The following ATPSCKMT variants were observed in gnomAD, a reference collection of about 807,000 sequenced individuals.
The protein encoded by ATPSCKMT is ATP synthase c subunit lysine N-methyltransferase.
Under a neutral mutation model 24.3 loss-of-function variants are expected in ATPSCKMT, and 24 were observed. The ratio of observed to expected loss-of-function variants is 0.99; its 90% CI spans 0.71 to 1.39. The LOEUF is 1.39. Among genes scored for constraint, ATPSCKMT ranks in the 40% most tolerant of loss-of-function variants. ATPSCKMT has a pLI of 0.00. For missense variants in ATPSCKMT, 311 were observed against 298.4 expected, an observed-to-expected ratio of 1.04 and a Z score of -0.31; for synonymous variants, 95 against 110.5, an observed-to-expected ratio of 0.86 and a Z score of 0.88.
In ATPSCKMT at chr5:10,225,718, C is replaced by T. The variant is rs565106480; in HGVS notation, c.*1723G>A. 1.5e-3 allele frequency among the ~76,000 whole-genome samples: 232 copies of T among 152,236 alleles called. 1 individual carries two copies. The highest frequency in any genetic ancestry group is 5.3e-3 in the African/African-American group (220 of 41,528). ...CTCCCACCAGGTCCTTCCCACAACACGTGGGAATTCAAGATGAGATTTGGG... is the reference window on the plus strand; with the variant it reads ...CTCCCACCAGGTCCTTCCCACAACATGTGGGAATTCAAGATGAGATTTGGG... On this transcript the variant is annotated 3_prime_UTR_variant, in exon 5 of 5. Transcript: ENST00000511437.
At chr5:10,239,561 T>C (rs1193317158) in intron 1 of ATPSCKMT, among the ~76,000 whole-genome samples, 2 of 152,230 alleles carry the variant, frequency 1.3e-5, no homozygotes, top group South Asian at 2.1e-4. Context: ...TTCAATACTA[T>C]GAGAAGACTA....
Position 10,227,353 on chromosome 5 carries a change from A to G in ATPSCKMT, c.*88T>C. 7.2e-7 allele frequency: 1 copy of G among 1,383,272 alleles called. No homozygotes were observed. Among genetic ancestry groups the G allele is most frequent in the Non-Finnish European group, 1.0e-6 (1 of 992,696 alleles). The allele number at this position is 1,383,272 out of a possible 1,614,324, so 85.7% of individuals were successfully genotyped here. Reference sequence around the variant, plus strand: ...AATTTCTCATTCCAAACCAAAGACAATTATGCTCCTTTGCTAAGGACACAG... The same window carrying G: ...AATTTCTCATTCCAAACCAAAGACAGTTATGCTCCTTTGCTAAGGACACAG... On this transcript the variant is annotated 3_prime_UTR_variant, in exon 5 of 5. Coordinates refer to ENST00000511437, the MANE Select transcript of ATPSCKMT (RefSeq NM_199133.4).
At chr5:10,243,093 G>A (rs898107069) in intron 1 of ATPSCKMT, among the ~76,000 whole-genome samples, 2 of 152,216 alleles carry the variant, frequency 1.3e-5, no homozygotes, top group African/African-American at 4.8e-5. Context: ...GTCACCAGCT[G>A]CACTGACCCC....
At chr5:10,234,705 T>C (rs1459218229) in intron 4 of ATPSCKMT, among the ~76,000 whole-genome samples, 1 of 152,228 alleles carries the variant, frequency 6.6e-6, no homozygotes, top group African/African-American at 2.4e-5. Context: ...TACAATACTG[T>C]GGCATTTTCA....
chr5:10,233,382 C>G (rs1744240383), intron 4 of ATPSCKMT, among the ~76,000 whole-genome samples: 1 of 152,172 alleles, frequency 6.6e-6, no homozygotes. Context: ...ACCGACCCAC[C>G]AGCATGAAGA....
intron 4 of ATPSCKMT, among the ~76,000 whole-genome samples, chr5:10,233,571 C>A (rs1178703942): frequency 6.6e-6 from 1 of 150,386 alleles, no homozygotes; most frequent in East Asian, 1.9e-4. Flanking sequence ...CTTATTTCCC[C>A]TGATTGAACA....
At chr5:10,248,785 T>C (rs900107196) in intron 1 of ATPSCKMT, among the ~76,000 whole-genome samples, 4 of 152,234 alleles carry the variant, frequency 2.6e-5, no homozygotes, top group Non-Finnish European at 4.4e-5. Context: ...AGTCTGGGAA[T>C]AATACAACTT....
At chr5:10,249,631 G>C in intron 1 of ATPSCKMT, 1 of 633,130 alleles carries the variant, frequency 1.6e-6, no homozygotes, top group Non-Finnish European at 2.6e-6. Context: ...AAGTAGCCTA[G>C]AACAGTCTCT....
At chr5:10,241,198 C>T (rs1744628212) in intron 1 of ATPSCKMT, among the ~76,000 whole-genome samples, 1 of 152,070 alleles carries the variant, frequency 6.6e-6, no homozygotes, top group Admixed American at 6.6e-5. Context: ...CTGACATCAC[C>T]TTCTCTCACA....
At chr5:10,235,055 T>G (rs1744312131) in intron 4 of ATPSCKMT, among the ~76,000 whole-genome samples, 156 bp downstream of exon 4, 1 of 152,244 alleles carries the variant, frequency 6.6e-6, no homozygotes, top group Admixed American at 6.5e-5. Context: ...CTTCTAAGAC[T>G]CTGAAGTATT....
chr5:10,230,688 T>C (rs1215992228), intron 4 of ATPSCKMT, among the ~76,000 whole-genome samples: 1 of 152,104 alleles, frequency 6.6e-6, no homozygotes, highest in Non-Finnish European at 1.5e-5. Context: ...ACTTTAAACA[T>C]AGTTCTGAAA....
At chr5:10,238,874 A>T (rs1215190817) in intron 2 of ATPSCKMT, among the ~76,000 whole-genome samples, 193 bp downstream of exon 2, 1 of 152,216 alleles carries the variant, frequency 6.6e-6, no homozygotes, top group Non-Finnish European at 1.5e-5. Flanking sequence ...CTCCTTTAAG[A>T]ACAAATTAAA....
chr5:10,249,797 C>A, intron 1 of ATPSCKMT, 61 bp downstream of exon 1: 2 of 1,533,656 alleles, frequency 1.3e-6, no homozygotes, highest in Non-Finnish European at 1.7e-6. Flanking sequence ...ACCGCGAGCC[C>A]CCGGCCCGCC....
At chr5:10,236,136 G>A (rs538057435) in intron 3 of ATPSCKMT, 12 of 194,820 alleles carry the variant, frequency 6.2e-5, no homozygotes, top group Non-Finnish European at 1.2e-4. Context: ...CACTCACACA[G>A]GCACACAAAT....
chr5:10,235,009 A>G (rs1221053237), intron 4 of ATPSCKMT, among the ~76,000 whole-genome samples: 3 of 152,252 alleles, frequency 2.0e-5, no homozygotes, highest in Non-Finnish European at 4.4e-5. Context: ...TCTGAAGCCA[A>G]AGTTTAAAAG....
intron 1 of ATPSCKMT, among the ~76,000 whole-genome samples, chr5:10,248,699 C>A (rs1317803260): frequency 6.6e-6 from 1 of 152,240 alleles, no homozygotes; most frequent in African/African-American, 2.4e-5. Context: ...GTCGCCAAGT[C>A]TGTTCTTGAG....
chr5:10,237,460 C>T (rs1038406527), intron 2 of ATPSCKMT, among the ~76,000 whole-genome samples: 2 of 152,134 alleles, frequency 1.3e-5, no homozygotes, highest in African/African-American at 2.4e-5. Flanking sequence ...AGGGACCTGG[C>T]GGGAGGTAAC....
rs58991169 is a variant in ATPSCKMT, at chr5:10,238,954, A to G, written c.306+113T>C. On this transcript the variant is annotated intron_variant, in intron 2 of 4. Transcript: ENST00000511437. ...GGTCAAACAAACATAAAATGAAATGAGCACTCTTTCAAGCTGTCAGATTTA... is the reference window on the plus strand; with the variant it reads ...GGTCAAACAAACATAAAATGAAATGGGCACTCTTTCAAGCTGTCAGATTTA... The G allele has an allele frequency of 3.6e-3, 4,550 of 1,272,680 alleles. 127 individuals carry two copies. The African/African-American group carries it at 0.058, about 16-fold the overall frequency. The allele number at this position is 1,272,680 out of a possible 1,614,324, so 78.8% of individuals were successfully genotyped here.
chr5:10,234,914 C>T (rs1744307029), intron 4 of ATPSCKMT, among the ~76,000 whole-genome samples: 1 of 152,208 alleles, frequency 6.6e-6, no homozygotes, highest in Non-Finnish European at 1.5e-5. Flanking sequence ...GCTGTGAAAA[C>T]TGCAAACTAC....
Sources: gnomAD v4.1 joint callset for allele counts (sites outside exome capture counted in the v4.1 genomes callset) on GRCh38, gnomAD v4.1.1 for gene constraint, MANE v1.5 for transcripts, NCBI Gene and HGNC (gene_info 2026-07-23, HGNC 2026-07-21) for gene names.